The following H2BC12 variants were observed in gnomAD, a reference collection of about 807,000 sequenced individuals.
The protein encoded by H2BC12 is H2B clustered histone 12, also known as histone H2B type 1-K.
A neutral mutation model predicts 6.3 loss-of-function variants in H2BC12; 6 were observed. That is an observed-to-expected ratio of 0.95 (90% CI 0.52 to 1.87). H2BC12 has a LOEUF of 1.87. Among genes scored for constraint, H2BC12 ranks in the 40% most tolerant of loss-of-function variants. The pLI, the probability that H2BC12 is intolerant of heterozygous loss-of-function variation, is 0.01. For missense variants in H2BC12, 119 were observed against 178.4 expected (o/e 0.67, Z 1.90); for synonymous variants, 132 against 78.5 (o/e 1.68, Z -3.60).
At chr6:27,145,337 C>CAA (rs1554184473), downstream of H2BC12, among the ~76,000 whole-genome samples, 12 of 146,694 alleles carry the variant, frequency 8.2e-5, no homozygotes, top group Non-Finnish European at 1.2e-4. Flanking sequence ...CACACACACA[C>CAA]AAAATTCCCC....
chr6:27,139,282 A>G, the H2BC12 span: 1 of 1,567,944 alleles, frequency 6.4e-7, no homozygotes, highest in Non-Finnish European at 8.7e-7. Flanking sequence ...CACAGGCAGC[A>G]GACCTTTGTT....
the H2BC12 span, chr6:27,139,898 ATTAGTTTAGAAAGCCAAGGG>A: frequency 2.1e-6 from 1 of 476,012 alleles, no homozygotes; most frequent in Admixed American, 4.0e-5. Context: ...TACCGCTCGG[ATTAGTTTAGAAAGCCAAGGG>A]GTCTGCGGTC....
chr6:27,139,306 A>C, the H2BC12 span: 3 of 1,601,400 alleles, frequency 1.9e-6, no homozygotes, highest in African/African-American at 4.0e-5. Context: ...TGACCACTTG[A>C]TAATGTCAGG....
At chr6:27,144,576 G>A (rs1341730693), downstream of H2BC12, among the ~76,000 whole-genome samples, 2 of 150,560 alleles carry the variant, frequency 1.3e-5, no homozygotes, top group Admixed American at 1.3e-4. Flanking sequence ...CTTCCACCCA[G>A]TATTTCTATT....
At chr6:27,139,276 G>A in the H2BC12 span, 6 of 1,550,288 alleles carry the variant, frequency 3.9e-6, no homozygotes, top group Non-Finnish European at 5.2e-6. Flanking sequence ...TGCCATCACA[G>A]GCAGCAGACC....
the H2BC12 span, chr6:27,139,070 C>A: frequency 2.2e-6 from 1 of 448,386 alleles, no homozygotes. Flanking sequence ...TGTTATGAGG[C>A]AGGAATCATG....
At chr6:27,139,710 A>G in the H2BC12 span, 1 of 1,491,712 alleles carries the variant, frequency 6.7e-7, no homozygotes, top group Non-Finnish European at 8.9e-7. Flanking sequence ...CTGCAAACTG[A>G]GTCTCTTAAT....
chr6:27,139,884 G>A, the H2BC12 span: 2 of 515,854 alleles, frequency 3.9e-6, no homozygotes, highest in Non-Finnish European at 6.8e-6. Context: ...GCCTGCAGCC[G>A]GTTTACCGCT....
At chr6:27,145,648 T>C (rs1760064696), downstream of H2BC12, among the ~76,000 whole-genome samples, 1 of 152,226 alleles carries the variant, frequency 6.6e-6, no homozygotes, top group Admixed American at 6.5e-5. Flanking sequence ...TCTACTTGCT[T>C]TTCATTTTCC....
chr6:27,139,895 C>A, the H2BC12 span: 1 of 484,672 alleles, frequency 2.1e-6, no homozygotes, highest in East Asian at 3.8e-5. Flanking sequence ...GTTTACCGCT[C>A]GGATTAGTTT....
chr6:27,145,895 G>A (rs556870674), downstream of H2BC12, among the ~76,000 whole-genome samples: 90 of 152,286 alleles, frequency 5.9e-4, no homozygotes, highest in Admixed American at 3.2e-3. Flanking sequence ...GGGTGAGGGG[G>A]AAGCAAAGCA....
At chr6:27,139,818 T>C in the H2BC12 span, 1 of 898,800 alleles carries the variant, frequency 1.1e-6, no homozygotes, top group Non-Finnish European at 1.6e-6. Flanking sequence ...CCGAGATTTT[T>C]CCAAGGCCAG....
chr6:27,142,506 C>T (rs375325503), downstream of H2BC12, among the ~76,000 whole-genome samples: 1 of 152,076 alleles, frequency 6.6e-6, no homozygotes, highest in Non-Finnish European at 1.5e-5. Flanking sequence ...TCAGGTCATC[C>T]GCCTGCCTCG....
chr6:27,139,409 C>T, the H2BC12 span: 1 of 1,614,244 alleles, frequency 6.2e-7, no homozygotes, highest in East Asian at 2.2e-5. Flanking sequence ...ACCAAGCCAG[C>T]CATTCGGCGC....
chr6:27,139,262 A>G, the H2BC12 span: 1 of 1,534,614 alleles, frequency 6.5e-7, no homozygotes, highest in East Asian at 2.3e-5. Flanking sequence ...CCATAAAAGA[A>G]AGCTGCCATC....
Position 27,146,558 on chromosome 6 carries a change from G to A in H2BC12, c.241C>T (p.Leu81=). ...FERIAGEASR[L]AHYNKRSTIT... ...GTCGAGCGCTTGTTGTAATGCGCCA[G>A]GCGGGAAGCCTCACCCGCGATGCGT... is the stretch of plus-strand genomic sequence containing the variant. Residue 81 remains leucine, a synonymous_variant, in exon 1 of 1, where the codon CTG becomes TTG. Transcript: ENST00000356950. The A allele has an allele frequency of 6.2e-7, 1 of 1,614,260 alleles. No individual in the cohort carries two copies. Among genetic ancestry groups the A allele is most frequent in the Non-Finnish European group, 8.5e-7 (1 of 1,180,058 alleles).
At chr6:27,146,336 G>C (rs1195576498), downstream of H2BC12, 4 of 1,592,984 alleles carry the variant, frequency 2.5e-6, no homozygotes, top group Non-Finnish European at 2.6e-6. Flanking sequence ...AGGAACACGT[G>C]TTTACAGCTC....
At position 27,146,478 on chromosome 6, in the gene H2BC12, C is replaced by T. The variant is rs765780616; in HGVS notation, c.321G>A (p.Leu107=). The T allele has an allele frequency of 1.9e-5, 30 of 1,614,114 alleles. No homozygotes were observed. Among genetic ancestry groups the T allele is most frequent in the African/African-American group, 5.3e-5 (4 of 74,944 alleles). The change falls in exon 1 of 1, where the codon TTG becomes TTA. Residue 107 remains leucine, a synonymous_variant. Coordinates refer to ENST00000356950, the MANE Select transcript of H2BC12 (RefSeq NM_001312653.2). ...TGCCCTCGGACACGGCGTGCTTGGC[C>T]AACTCCCCGGGCAGCAGCAGGCGCA... ...TAVRLLLPGE[L]AKHAVSEGTK... is the part of the protein sequence containing the mutation.
chr6:27,144,657 AGAT>A (rs34471161), downstream of H2BC12, among the ~76,000 whole-genome samples: 20,945 of 152,146 alleles, frequency 0.14, 1,565 homozygotes, highest in Non-Finnish European at 0.17. Flanking sequence ...TATAAAATCA[AGAT>A]GATATGTCCA....
Sources: allele counts gnomAD v4.1 joint callset (sites outside exome capture counted in the v4.1 genomes callset), GRCh38; gene constraint gnomAD v4.1.1; transcripts MANE v1.5; gene names NCBI Gene and HGNC (gene_info 2026-07-23, HGNC 2026-07-21).